AGMO: variants seen among roughly 807,000 people sequenced by gnomAD.
The protein encoded by AGMO is alkylglycerol monooxygenase, also known as glyceryl-ether monooxygenase.
AGMO carries 75 observed loss-of-function variants against 60.2 expected under a neutral mutation model. That is an observed-to-expected ratio of 1.25 (90% CI 1.03 to 1.51). The LOEUF (loss-of-function observed/expected upper bound fraction) is 1.51. Among genes scored for constraint, AGMO ranks in the 40% most tolerant of loss-of-function variants. The pLI is 0.00. For synonymous variants in AGMO, 261 were observed against 177.1 expected (o/e 1.47, Z -3.76); for missense variants, 763 against 525.5 (o/e 1.45, Z -4.42).
At chr7:15,322,920 ATG>A (rs1444182570) in intron 12 of AGMO, among the ~76,000 whole-genome samples, 6 of 147,714 alleles carry the variant, frequency 4.1e-5, no homozygotes, top group African/African-American at 1.5e-4. Flanking sequence ...ATACACATAT[ATG>A]TGTTTACATA....
chr7:15,342,703 G>A (rs1426112504), intron 12 of AGMO, among the ~76,000 whole-genome samples: 2 of 141,012 alleles, frequency 1.4e-5, no homozygotes, highest in Non-Finnish European at 3.0e-5. Context: ...ATTTAGAAAA[G>A]GAACTGTCAT....
chr7:15,392,403 G>T (rs1252530371), intron 6 of AGMO, among the ~76,000 whole-genome samples: 1 of 151,994 alleles, frequency 6.6e-6, no homozygotes, highest in Non-Finnish European at 1.5e-5. Flanking sequence ...AACTGCAAGT[G>T]TATAATCCCC....
At chr7:15,495,166 T>C (rs1783188972) in intron 3 of AGMO, among the ~76,000 whole-genome samples, 1 of 152,206 alleles carries the variant, frequency 6.6e-6, no homozygotes, top group African/African-American at 2.4e-5. Flanking sequence ...ATGTTTGCTT[T>C]ATAACGTTTT....
intron 2 of AGMO, among the ~76,000 whole-genome samples, chr7:15,553,169 T>G (rs1458927933): frequency 2.7e-5 from 4 of 148,456 alleles, no homozygotes. Flanking sequence ...TGGGGACTGT[T>G]GTGGGGTGGG....
chr7:15,416,885 A>T (rs913667510), intron 5 of AGMO, among the ~76,000 whole-genome samples: 1 of 152,148 alleles, frequency 6.6e-6, no homozygotes, highest in Non-Finnish European at 1.5e-5. Context: ...AAATAATTTT[A>T]AAAAAATACT....
intron 12 of AGMO, among the ~76,000 whole-genome samples, chr7:15,270,739 AGTGTCC>A (rs1563063292): frequency 5.3e-5 from 8 of 150,210 alleles, no homozygotes; most frequent in African/African-American, 2.0e-4. Context: ...TGCCTGGGTC[AGTGTCC>A]AGAAGAGTTT....
intron 12 of AGMO, among the ~76,000 whole-genome samples, chr7:15,348,324 A>C (rs992897314): frequency 6.6e-6 from 1 of 152,082 alleles, no homozygotes; most frequent in African/African-American, 2.4e-5. Context: ...CATACTACTT[A>C]AAATGATCCT....
chr7:15,443,564 T>A (rs557525050), intron 3 of AGMO, among the ~76,000 whole-genome samples: 1 of 152,210 alleles, frequency 6.6e-6, no homozygotes, highest in Non-Finnish European at 1.5e-5. Context: ...CTTCCCTAGA[T>A]TGATGCCTTA....
At chr7:15,325,378 A>G (rs540343715) in intron 12 of AGMO, among the ~76,000 whole-genome samples, 1 of 152,236 alleles carries the variant, frequency 6.6e-6, no homozygotes, top group South Asian at 2.1e-4. Flanking sequence ...TTAATACATA[A>G]TATTATCTGC....
chr7:15,326,738 C>G (rs544311188), intron 12 of AGMO, among the ~76,000 whole-genome samples: 159 of 152,270 alleles, frequency 1.0e-3, no homozygotes, highest in African/African-American at 3.7e-3. Context: ...AAATGGCTAA[C>G]TTGGTACAAA....
At chr7:15,405,618 A>C (rs1784665227) in intron 5 of AGMO, among the ~76,000 whole-genome samples, 1 of 151,964 alleles carries the variant, frequency 6.6e-6, no homozygotes. Flanking sequence ...TTTTCAAAAT[A>C]AGTACTATTC....
rs189499856 is a variant in AGMO at position 15,356,715 on chromosome 7, T to C, written c.1263+8799A>G. On this transcript the variant is annotated intron_variant, in intron 12 of 12. Transcript: ENST00000342526. ...TTATCTTTTATAAAAATGTATCTAA[T>C]TTAATATCTCTCAAATGCTATATGA... Among the ~76,000 whole-genome samples the C allele has an allele frequency of 2.5e-3, 376 of 151,954 alleles. 1 individual carries two copies. The highest frequency in any genetic ancestry group is 7.8e-3 in the African/African-American group (323 of 41,510).
At chr7:15,339,876 G>C (rs1442124210) in intron 12 of AGMO, among the ~76,000 whole-genome samples, 1 of 152,140 alleles carries the variant, frequency 6.6e-6, no homozygotes, top group Non-Finnish European at 1.5e-5. Context: ...CTATTCTTCA[G>C]AAATTGCTAT....
rs372412306 is a variant in AGMO at position 15,395,139 on chromosome 7, G to A, written c.610-960C>T. On this transcript the variant is annotated intron_variant, in intron 5 of 12. Transcript: ENST00000342526. ...TCACAATCTAAACTGATTTGTTAGA[G>A]CCTACCAATGACAAAATCAATACAC... 2.0e-4 allele frequency among the ~76,000 whole-genome samples: 30 copies of A among 152,276 alleles called. No homozygotes were observed. The East Asian group carries it at 3.7e-3, about 19-fold the overall frequency.
Position 15,394,131 on chromosome 7 carries a change from G to A in AGMO, c.658C>T (p.His220Tyr). The A allele has an allele frequency of 6.2e-7, 1 of 1,611,858 alleles. No individual in the cohort carries two copies. The highest frequency in any genetic ancestry group is 8.5e-7 in the Non-Finnish European group (1 of 1,178,384). Residue 220 changes from histidine to tyrosine, a missense_variant, in exon 6 of 13, where the codon CAT becomes TAT. Coordinates refer to ENST00000342526, the MANE Select transcript of AGMO (RefSeq NM_001004320.2). ...PLELILNTPS[H>Y]HRVHHGRNRY... ...TCCTTACCATGATGAACCCTATGAT[G>A]GCTAGGAGTATTAAGAATCAGTTCC...
At position 15,544,872 on chromosome 7, in the gene AGMO, G is replaced by A; in HGVS notation, c.309C>T (p.Asn103=). ...CCCAAGGCAAATTGAACAGCCTGTA[G>A]TTCTCCCAGATATAAATATAACTGG... ...ELTSYIYIWE[N]YRLFNLPWDS... Residue 103 remains asparagine (N), a synonymous_variant, in exon 3 of 13, where the codon AAC becomes AAT. Coordinates refer to ENST00000342526, the MANE Select transcript of AGMO (RefSeq NM_001004320.2). 4 of 1,600,562 alleles carry A rather than the reference G, an allele frequency of 2.5e-6. No individual in the cohort carries two copies. The highest frequency in any genetic ancestry group is 3.4e-6 in the Non-Finnish European group (4 of 1,172,632).
chr7:15,137,839 T>G, the AGMO span, among the ~76,000 whole-genome samples: 1 of 152,078 alleles, frequency 6.6e-6, no homozygotes, highest in Non-Finnish European at 1.5e-5. Context: ...AATCATAGGT[T>G]AAGGAGGAGA....
intron 12 of AGMO, among the ~76,000 whole-genome samples, chr7:15,214,005 A>T (rs1397521543): frequency 6.6e-6 from 1 of 152,022 alleles, no homozygotes; most frequent in African/African-American, 2.4e-5. Context: ...AATGTATTGT[A>T]TATATCCAGT....
chr7:15,144,307 A>G, the AGMO span, among the ~76,000 whole-genome samples: 1 of 152,200 alleles, frequency 6.6e-6, no homozygotes. Context: ...TTTCAATAGC[A>G]TCATACAATC....
Sources: allele counts gnomAD v4.1 joint callset (sites outside exome capture counted in the v4.1 genomes callset), GRCh38; gene constraint gnomAD v4.1.1; transcripts MANE v1.5; gene names NCBI Gene and HGNC (gene_info 2026-07-23, HGNC 2026-07-21).